The following PON2 variants were observed in gnomAD, a reference collection of about 807,000 sequenced individuals.
The protein encoded by PON2 is serum paraoxonase/arylesterase 2.
In PON2, 27 loss-of-function variants were observed where a neutral mutation model predicts 36.6. The ratio of observed to expected loss-of-function variants is 0.74; its 90% CI spans 0.54 to 1.02. The LOEUF (loss-of-function observed/expected upper bound fraction) is 1.02. Among genes scored for constraint, PON2 ranks in the 50% least tolerant of loss-of-function variants. The pLI is 0.00. For missense variants in PON2, 363 were observed against 421.1 expected, an observed-to-expected ratio of 0.86 and a Z score of 1.21; for synonymous variants, 149 against 156.3, an observed-to-expected ratio of 0.95 and a Z score of 0.35.
At chr7:95,416,337 C>A in intron 2 of PON2, 40 bp from the exon 3 acceptor site, 1 of 1,606,200 alleles carries the variant, frequency 6.2e-7, no homozygotes, top group Non-Finnish European at 8.5e-7. Flanking sequence ...TGTTCAAGTT[C>A]TGTTATTTGT....
At chr7:95,427,754 T>A (rs1432935778) in intron 1 of PON2, among the ~76,000 whole-genome samples, 1 of 152,212 alleles carries the variant, frequency 6.6e-6, no homozygotes, top group Non-Finnish European at 1.5e-5. Context: ...ATTAATCTGA[T>A]ATATGTTACT....
chr7:95,427,408 G>A (rs905386977), intron 1 of PON2, among the ~76,000 whole-genome samples: 5 of 152,052 alleles, frequency 3.3e-5, no homozygotes, highest in Middle Eastern at 3.2e-3. Flanking sequence ...CCCAGACTCC[G>A]CTGTATTGAG....
chr7:95,423,228 G>A (rs555947438), intron 2 of PON2, among the ~76,000 whole-genome samples: 6 of 151,212 alleles, frequency 4.0e-5, no homozygotes, highest in South Asian at 2.1e-4. Flanking sequence ...AGGACGAGGC[G>A]GGAGGATCGC....
chr7:95,414,243 T>C (rs1789006641), intron 3 of PON2, among the ~76,000 whole-genome samples: 1 of 152,188 alleles, frequency 6.6e-6, no homozygotes, highest in Non-Finnish European at 1.5e-5. Flanking sequence ...TTGGGTTAGA[T>C]GAGCTAAAAT....
intron 3 of PON2, chr7:95,415,770 G>T: frequency 5.4e-6 from 1 of 184,526 alleles, no homozygotes; most frequent in East Asian, 1.4e-4. Flanking sequence ...TGGCCAACAC[G>T]GCGAAACCCC....
At chr7:95,418,478 G>A (rs1789121950) in intron 2 of PON2, 1 of 152,128 alleles carries the variant, frequency 6.6e-6, no homozygotes, top group Non-Finnish European at 1.5e-5. Context: ...TGATTCCTCT[G>A]TAAAGCCACT....
rs1395872958 is a variant in PON2, at chr7:95,434,943, C to T, written c.9G>A (p.Arg3=). The change falls in exon 1 of 9, where the codon CGG becomes CGA. Residue 3 remains arginine, a synonymous_variant. Transcript: ENST00000222572. ...TCCCCAGCAAGCCCACAGCCACCAG[C>T]CGCCCCATGGCGCGGGAGCCGGGCG... MG[R]LVAVGLLGIA... is the part of the protein sequence containing the mutation. 5 of 1,530,178 alleles carry T rather than the reference C, an allele frequency of 3.3e-6. No homozygotes were observed. The highest frequency in any genetic ancestry group is 1.2e-5 in the South Asian group (1 of 82,488). 94.8% of individuals were successfully genotyped at this position (1,530,178 alleles called of 1,614,324 possible).
chr7:95,417,126 A>T (rs1789080952), intron 2 of PON2, among the ~76,000 whole-genome samples: 1 of 152,192 alleles, frequency 6.6e-6, no homozygotes, highest in African/African-American at 2.4e-5. Flanking sequence ...TGAGTCTACA[A>T]AATCCAATCT....
At chr7:95,427,478 T>G (rs552477553) in intron 1 of PON2, among the ~76,000 whole-genome samples, 2 of 152,080 alleles carry the variant, frequency 1.3e-5, no homozygotes, top group African/African-American at 4.8e-5. Flanking sequence ...CAAAGGAGAG[T>G]CACGAGAAGA....
intron 2 of PON2, 42 bp downstream of exon 2, chr7:95,424,473 C>T: frequency 6.5e-7 from 1 of 1,540,880 alleles, no homozygotes; most frequent in Non-Finnish European, 9.0e-7. Context: ...TGTTAATGGC[C>T]AAAAAATGCA....
At chr7:95,416,432 C>T (rs767514460) in intron 2 of PON2, 135 bp from the exon 3 acceptor site, 3 of 1,007,464 alleles carry the variant, frequency 3.0e-6, no homozygotes, top group Non-Finnish European at 4.5e-6. Context: ...TCCAAGGAAC[C>T]ATTCTTTTTA....
chr7:95,422,979 T>G (rs11979545), intron 2 of PON2, among the ~76,000 whole-genome samples: 4,569 of 152,252 alleles, frequency 0.03, 250 homozygotes, highest in African/African-American at 0.1. Context: ...ACTAGGTGTT[T>G]TGACTGCTAA....
intron 1 of PON2, 105 bp downstream of exon 1, chr7:95,434,773 C>A: frequency 7.6e-7 from 1 of 1,307,646 alleles, no homozygotes; most frequent in Non-Finnish European, 1.0e-6. Flanking sequence ...GGCCGCAGGG[C>A]CAGGTCCCGC....
chr7:95,412,511 A>T (rs1788955411), intron 3 of PON2, 34 bp from the exon 4 acceptor site: 1 of 1,600,880 alleles, frequency 6.2e-7, no homozygotes, highest in Admixed American at 1.7e-5. Flanking sequence ...TAAATACAAA[A>T]GCTTAAGTAT....
chr7:95,434,565 C>T (rs1353598904), intron 1 of PON2, among the ~76,000 whole-genome samples: 2 of 152,196 alleles, frequency 1.3e-5, no homozygotes, highest in Non-Finnish European at 2.9e-5. Flanking sequence ...ACTAGTTTGG[C>T]CCTTGGGTAA....
intron 3 of PON2, 150 bp downstream of exon 3, chr7:95,416,092 G>C: frequency 7.1e-7 from 1 of 1,400,918 alleles, no homozygotes; most frequent in Non-Finnish European, 9.7e-7. Flanking sequence ...AGAAAAGCTG[G>C]AGGAAGTTTT....
chr7:95,415,319 A>C (rs995990780), intron 3 of PON2: 13 of 151,340 alleles, frequency 8.6e-5, no homozygotes, highest in African/African-American at 3.2e-4. Flanking sequence ...AGTTTCAACA[A>C]TATTCACAAC....
Position 95,411,849 on chromosome 7 carries a change from T to G in PON2, c.368-70A>C. ...GGGACCTCTGGGCAGGCACTGACAT[T>G]TAAATACCACAGGCAAGGAAAGGTT... On this transcript the variant is annotated intron_variant, in intron 4 of 8. Transcript: ENST00000222572. The G allele has an allele frequency of 2.6e-6, 4 of 1,518,104 alleles. No homozygotes were observed. The Admixed American group carries it at 6.7e-5, about 25-fold the overall frequency. The allele number at this position is 1,518,104 out of a possible 1,614,324, so 94.0% of individuals were successfully genotyped here. A position where few individuals can be genotyped will look rare whatever the true frequency, so the allele number is the denominator to read the frequency against.
At chr7:95,417,742 G>GTCCAGGTTTTGCTTT (rs1789103262) in intron 2 of PON2, among the ~76,000 whole-genome samples, 1 of 124,452 alleles carries the variant, frequency 8.0e-6, no homozygotes, top group Non-Finnish European at 1.8e-5. Flanking sequence ...GAGAATTCTA[G>GTCCAGGTTTTGCTTT]TCCAGGTTTT....
Sources: allele counts gnomAD v4.1 joint callset (sites outside exome capture counted in the v4.1 genomes callset), GRCh38; gene constraint gnomAD v4.1.1; transcripts MANE v1.5; gene names NCBI Gene and HGNC (gene_info 2026-07-23, HGNC 2026-07-21).